CCNY: variants seen among roughly 807,000 people sequenced by gnomAD.
CCNY encodes the protein cyclin-Y.
Under a neutral mutation model 42.8 loss-of-function variants are expected in CCNY, and 19 were observed. That is an observed-to-expected ratio of 0.44 (90% CI 0.31 to 0.65). The LOEUF is 0.65. Ranked by LOEUF, CCNY falls within the 30% of genes least tolerant of loss-of-function variation. The probability of loss-of-function intolerance (pLI) is 0.07; values close to 1 mark genes in which losing one functional copy is unlikely to be tolerated. For missense variants in CCNY, 370 were observed against 437.3 expected (o/e 0.85, Z 1.37); for synonymous variants, 165 against 162.7 (o/e 1.01, Z -0.11).
chr10:35,429,273 G>A (rs764882697), intron 1 of CCNY, among the ~76,000 whole-genome samples: 44 of 152,214 alleles, frequency 2.9e-4, no homozygotes, highest in Admixed American at 4.6e-4. Flanking sequence ...ATGTAAAACA[G>A]CATCATCTCA....
intron 1 of CCNY, among the ~76,000 whole-genome samples, chr10:35,344,271 G>T (rs1372380473): frequency 2.0e-5 from 3 of 152,228 alleles, no homozygotes; most frequent in African/African-American, 7.2e-5. Flanking sequence ...GTATGGTGGA[G>T]GGCAAAGAGA....
intron 1 of CCNY, among the ~76,000 whole-genome samples, chr10:35,465,789 C>T (rs927175067): frequency 1.3e-5 from 2 of 152,124 alleles, no homozygotes; most frequent in Non-Finnish European, 2.9e-5. Context: ...CGAAATCTCA[C>T]CTGCTCTGTG....
intron 3 of CCNY, among the ~76,000 whole-genome samples, chr10:35,282,919 G>A (rs115512435): frequency 6.6e-6 from 1 of 152,076 alleles, no homozygotes; most frequent in African/African-American, 2.4e-5. Context: ...AGCTTAGTGC[G>A]CCCGAGAGAG....
At chr10:35,567,722 A>G (rs1841600706) in intron 9 of CCNY, among the ~76,000 whole-genome samples, 1 of 152,242 alleles carries the variant, frequency 6.6e-6, no homozygotes, top group Non-Finnish European at 1.5e-5. Context: ...AAAAATTTAA[A>G]AAGTAATATG....
chr10:35,275,660 G>A (rs1303915313), intron 3 of CCNY, among the ~76,000 whole-genome samples: 1 of 152,026 alleles, frequency 6.6e-6, no homozygotes, highest in South Asian at 2.1e-4. Context: ...CTACTTGGGA[G>A]GCTGAGGCAG....
rs140607932 is a variant in CCNY, at chr10:35,428,478, G to A, written c.155-54926G>A. 5.3e-5 allele frequency among the ~76,000 whole-genome samples: 8 copies of A among 152,346 alleles called. No individual in the cohort carries two copies. In the East Asian group the frequency reaches 1.5e-3, roughly 29 times the overall value. ...GCACATGTGTGTGTGCGTGATGAGG[G>A]TGAGCCCTGAGAGGTAGGCAGGAGC... On this transcript the variant is annotated intron_variant, in intron 1 of 9. Coordinates refer to ENST00000374704, the MANE Select transcript of CCNY (RefSeq NM_145012.6).
intron 3 of CCNY, among the ~76,000 whole-genome samples, chr10:35,267,365 A>G (rs1247381818): frequency 6.6e-6 from 1 of 151,736 alleles, no homozygotes; most frequent in Non-Finnish European, 1.5e-5. Context: ...TTTTGTGGGA[A>G]GCTTCTTCCC....
At chr10:35,276,731 G>T (rs1417925573) in intron 3 of CCNY, among the ~76,000 whole-genome samples, 1 of 152,226 alleles carries the variant, frequency 6.6e-6, no homozygotes, top group African/African-American at 2.4e-5. Context: ...GCCCTGGCCT[G>T]CAGGGAACAG....
chr10:35,257,466 G>C (rs1385486237), intron 3 of CCNY, among the ~76,000 whole-genome samples: 2 of 151,860 alleles, frequency 1.3e-5, no homozygotes, highest in Non-Finnish European at 2.9e-5. Flanking sequence ...TATCTGGGAA[G>C]GTCTTAATTT....
intron 3 of CCNY, among the ~76,000 whole-genome samples, chr10:35,259,672 G>GTTTTTTT (rs1202854456): frequency 1.2e-5 from 1 of 86,348 alleles, no homozygotes; most frequent in Non-Finnish European, 2.1e-5. Context: ...CTGGCTAATT[G>GTTTTTTT]TTTTTTTTTT....
rs73264618 is a variant in CCNY, at chr10:35,274,268, G to A, written c.-9+23642G>A. On this transcript the variant is annotated intron_variant, in intron 3 of 11. Coordinates refer to the CCNY transcript ENST00000374706. ...CCTTGTGAGACTTGTTCACTACCAT[G>A]AGAACTGTATGGGGGAACCTGCCCC... Among the ~76,000 whole-genome samples the A allele has an allele frequency of 8.2e-3, 1,254 of 152,254 alleles. 20 individuals carry two copies. Among genetic ancestry groups the A allele is most frequent in the African/African-American group, 0.028 (1,178 of 41,542 alleles).
chr10:35,491,047 G>C (rs1839885025), intron 2 of CCNY, among the ~76,000 whole-genome samples: 1 of 152,156 alleles, frequency 6.6e-6, no homozygotes, highest in South Asian at 2.1e-4. Flanking sequence ...GGTGTGTGGA[G>C]GAGGGTGGGT....
intron 1 of CCNY, among the ~76,000 whole-genome samples, chr10:35,405,545 C>T (rs929192654): frequency 6.6e-6 from 1 of 152,072 alleles, no homozygotes; most frequent in African/African-American, 2.4e-5. Context: ...AGAATATTGT[C>T]CAAGTTGGCA....
intron 1 of CCNY, among the ~76,000 whole-genome samples, chr10:35,451,700 A>C (rs535162862): frequency 1.3e-5 from 2 of 152,362 alleles, no homozygotes; most frequent in East Asian, 3.9e-4. Context: ...CCAGTCCCCC[A>C]TAGTGCCTGG....
chr10:35,547,281 A>C (rs1049867128), intron 7 of CCNY, among the ~76,000 whole-genome samples: 3 of 152,126 alleles, frequency 2.0e-5, no homozygotes, highest in Admixed American at 6.5e-5. Context: ...TAAAAATGAA[A>C]ATCTCCAAAA....
At chr10:35,341,639 T>A (rs1323625756) in intron 1 of CCNY, among the ~76,000 whole-genome samples, 3 of 151,702 alleles carry the variant, frequency 2.0e-5, no homozygotes, top group Admixed American at 2.0e-4. Flanking sequence ...AATGAAAACA[T>A]CATCGCGTAT....
At position 35,322,883 on chromosome 10, in the gene CCNY, C is replaced by T. The variant is rs557055349; in HGVS notation, c.-9+72257C>T. On this transcript the variant is annotated intron_variant, in intron 3 of 11. Transcript: ENST00000374706. ...GCAACTACAACTCTCATAACTTTAC[C>T]GGTAGGATGTAAGATGGTACCAGGA... Among the ~76,000 whole-genome samples the T allele has an allele frequency of 7.9e-5, 12 of 152,146 alleles. No individual in the cohort carries two copies. In the East Asian group the frequency reaches 1.4e-3, roughly 17 times the overall value.
rs1427126325 is a variant in CCNY, at chr10:35,412,800, G to A, written c.155-70604G>A. 2.1e-5 allele frequency among the ~76,000 whole-genome samples: 3 copies of A among 140,254 alleles called. No homozygotes were observed. The East Asian group carries it at 6.7e-4, about 31-fold the overall frequency. 92.0% of individuals were successfully genotyped at this position (140,254 alleles called of 152,430 possible). A position where few individuals can be genotyped will look rare whatever the true frequency, so the allele number is the denominator to read the frequency against. ...TGCTCGAACCCAGGAGGCGGAGGTT[G>A]CAGTGAGCCGAGATCACGCCACTGC... On this transcript the variant is annotated intron_variant, in intron 1 of 9. Transcript: ENST00000374704.
At position 35,497,106 on chromosome 10, in the gene CCNY, G is replaced by A. The variant is rs1306459521; in HGVS notation, c.230-4395G>A. On this transcript the variant is annotated intron_variant, in intron 2 of 9. Coordinates refer to ENST00000374704, the MANE Select transcript of CCNY (RefSeq NM_145012.6). ...GAGATTGCTGTTATTCCTCTCCCAG[G>A]AAAGAAAAAATTTATGATCCATATC... Among the ~76,000 whole-genome samples the A allele has an allele frequency of 2.0e-5, 3 of 152,054 alleles. No individual in the cohort carries two copies. In the East Asian group the frequency reaches 5.8e-4, roughly 29 times the overall value.
Sources: gnomAD v4.1 joint callset for allele counts (sites outside exome capture counted in the v4.1 genomes callset) on GRCh38, gnomAD v4.1.1 for gene constraint, MANE v1.5 for transcripts, NCBI Gene and HGNC (gene_info 2026-07-23, HGNC 2026-07-21) for gene names.